RBFOX1: variants seen among roughly 807,000 people sequenced by gnomAD.
RBFOX1 encodes the protein RNA binding protein fox-1 homolog 1.
RBFOX1 carries 8 observed loss-of-function variants against 57.7 expected under a neutral mutation model. The observed-to-expected ratio is 0.14, with a 90% CI of 0.08 to 0.25. The LOEUF (loss-of-function observed/expected upper bound fraction) is 0.25, where lower values mean the gene tolerates loss of function less well. Among genes scored for constraint, RBFOX1 ranks in the 10% least tolerant of loss-of-function variants. The pLI is 1.00. For missense variants in RBFOX1, 611 were observed against 548.5 expected, an observed-to-expected ratio of 1.11 and a Z score of -1.14; for synonymous variants, 326 against 222.4, an observed-to-expected ratio of 1.47 and a Z score of -4.15.
At chr16:6,360,640 C>G (rs992681254) in intron 2 of RBFOX1, among the ~76,000 whole-genome samples, 4 of 152,182 alleles carry the variant, frequency 2.6e-5, no homozygotes, top group African/African-American at 7.2e-5. Flanking sequence ...TTGACAAACC[C>G]TTTGTCAAGT....
chr16:7,030,377 A>G (rs1046346775), intron 3 of RBFOX1, among the ~76,000 whole-genome samples: 2 of 152,180 alleles, frequency 1.3e-5, no homozygotes, highest in Non-Finnish European at 2.9e-5. Flanking sequence ...TGGCTTTAAA[A>G]CAACAGAAGT....
intron 1 of RBFOX1, among the ~76,000 whole-genome samples, chr16:6,315,357 G>C (rs569595239): frequency 6.7e-6 from 1 of 148,306 alleles, no homozygotes; most frequent in African/African-American, 2.5e-5. Flanking sequence ...TGGATGAATG[G>C]GTGGGTGGAT....
At chr16:7,273,900 C>G (rs1025448994) in intron 4 of RBFOX1, among the ~76,000 whole-genome samples, 1 of 152,142 alleles carries the variant, frequency 6.6e-6, no homozygotes, top group Non-Finnish European at 1.5e-5. Context: ...ATGTAATTCT[C>G]TCAGTTGTCA....
intron 14 of RBFOX1, chr16:7,693,236 C>T (rs978046935): frequency 8.2e-7 from 1 of 1,214,786 alleles, no homozygotes; most frequent in East Asian, 2.3e-5. Flanking sequence ...CTCCCCTCAT[C>T]TGTACACATC....
intron 4 of RBFOX1, among the ~76,000 whole-genome samples, chr16:7,363,565 G>T (rs543768401): frequency 2.0e-5 from 3 of 152,158 alleles, no homozygotes; most frequent in Admixed American, 1.3e-4. Flanking sequence ...GCATAAAATG[G>T]GTCGCCTGGC....
intron 1 of RBFOX1, among the ~76,000 whole-genome samples, chr16:5,263,187 G>A (rs1299432402): frequency 1.3e-5 from 2 of 152,104 alleles, no homozygotes; most frequent in Non-Finnish European, 2.9e-5. Flanking sequence ...ATACAGATAT[G>A]GGAATCAACT....
At chr16:6,438,162 G>T (rs1275680630) in intron 2 of RBFOX1, among the ~76,000 whole-genome samples, 1 of 152,224 alleles carries the variant, frequency 6.6e-6, no homozygotes, top group African/African-American at 2.4e-5. Flanking sequence ...AAGTTGGAAA[G>T]AAATGTTTAA....
chr16:5,706,523 T>G (rs573971316), intron 3 of RBFOX1, among the ~76,000 whole-genome samples: 1 of 152,314 alleles, frequency 6.6e-6, no homozygotes, highest in African/African-American at 2.4e-5. Flanking sequence ...AGTTAGTCAT[T>G]AAAAATTTAT....
intron 2 of RBFOX1, among the ~76,000 whole-genome samples, chr16:6,653,575 G>A (rs1376647831): frequency 1.3e-5 from 2 of 152,106 alleles, no homozygotes; most frequent in Non-Finnish European, 2.9e-5. Context: ...GAAAATCATA[G>A]GTGTGCAATA....
At chr16:6,735,178 C>A (rs2069818157) in intron 3 of RBFOX1, among the ~76,000 whole-genome samples, 1 of 149,432 alleles carries the variant, frequency 6.7e-6, no homozygotes, top group African/African-American at 2.5e-5. Context: ...TCAACAACAA[C>A]AACATCAACA....
intron 2 of RBFOX1, among the ~76,000 whole-genome samples, chr16:6,629,973 T>TTTTAA (rs201032968): frequency 9.2e-5 from 12 of 129,968 alleles, no homozygotes; most frequent in East Asian, 4.6e-4. Flanking sequence ...TTTTTTTTTT[T>TTTTAA]AAAAAAAAAA....
At chr16:6,661,702 A>C (rs749526337) in intron 3 of RBFOX1, among the ~76,000 whole-genome samples, 1 of 152,208 alleles carries the variant, frequency 6.6e-6, no homozygotes, top group Non-Finnish European at 1.5e-5. Flanking sequence ...AGCAAGACGA[A>C]GTCAGCCAGG....
chr16:6,582,373 T>G (rs181629454), intron 2 of RBFOX1, among the ~76,000 whole-genome samples: 51 of 152,184 alleles, frequency 3.4e-4, no homozygotes, highest in African/African-American at 1.2e-3. Context: ...AATTTAACAA[T>G]TAATGATGCT....
chr16:6,680,476 G>T (rs1452117523), intron 3 of RBFOX1, among the ~76,000 whole-genome samples: 2 of 151,922 alleles, frequency 1.3e-5, no homozygotes, highest in Admixed American at 6.6e-5. Flanking sequence ...TGTTAGCCAC[G>T]ATGGTCTCGA....
At chr16:5,890,462 G>T (rs1187581114) in intron 4 of RBFOX1, among the ~76,000 whole-genome samples, 1 of 152,098 alleles carries the variant, frequency 6.6e-6, no homozygotes, top group Non-Finnish European at 1.5e-5. Context: ...ACTTTGGGAG[G>T]CTGAGGCGGG....
At chr16:6,549,508 AGAG>A (rs141018373) in intron 2 of RBFOX1, among the ~76,000 whole-genome samples, 5,016 of 52,846 alleles carry the variant, frequency 0.095, 462 homozygotes, top group African/African-American at 0.28. Flanking sequence ...GAGGAGGGGA[AGAG>A]GAGGAGGAGA....
At chr16:7,631,165 T>TGAGGAG (rs3837772) in intron 11 of RBFOX1, among the ~76,000 whole-genome samples, 2,670 of 150,156 alleles carry the variant, frequency 0.018, 79 homozygotes, top group African/African-American at 0.062. Flanking sequence ...GTAATTCCAA[T>TGAGGAG]GAGGAGGAGG....
rs77599403 is a variant in RBFOX1 at position 6,274,035 on chromosome 16, G to T, written c.-126-42960G>T. The stretch of plus-strand genomic sequence containing the variant: ...TATCAGAAGGGCTAAAACTAAAACA[G>T]TGGCAACCCCAGTACTTGCAAGGTT... On this transcript the variant is annotated intron_variant, in intron 1 of 15. Transcript: ENST00000550418. Among the ~76,000 whole-genome samples, 1,316 of 152,294 alleles carry T rather than the reference G, an allele frequency of 8.6e-3. 9 individuals are homozygous for T. Among genetic ancestry groups the T allele is most frequent in the Non-Finnish European group, 0.015 (1,039 of 68,020 alleles).
intron 5 of RBFOX1, among the ~76,000 whole-genome samples, chr16:7,569,001 C>T (rs762655850): frequency 7.2e-5 from 11 of 151,858 alleles, no homozygotes; most frequent in Non-Finnish European, 1.5e-4. Flanking sequence ...CATTCTCCTG[C>T]CTCTGACAAT....
Sources: allele counts gnomAD v4.1 joint callset (sites outside exome capture counted in the v4.1 genomes callset), GRCh38; gene constraint gnomAD v4.1.1; transcripts MANE v1.5; gene names NCBI Gene and HGNC (gene_info 2026-07-23, HGNC 2026-07-21).